AAK1: variants seen among roughly 807,000 people sequenced by gnomAD.
AAK1 encodes AP2-associated protein kinase 1.
Under a neutral mutation model 116.0 loss-of-function variants are expected in AAK1, and 37 were observed. The ratio of observed to expected loss-of-function variants is 0.32; its 90% CI spans 0.25 to 0.42. AAK1 has a LOEUF of 0.42. AAK1 is among the 10% of genes least tolerant of loss of function. AAK1 has a pLI of 1.00. For missense variants in AAK1, 919 were observed against 1,170.6 expected, an observed-to-expected ratio of 0.79 and a Z score of 3.14; for synonymous variants, 458 against 439.9, an observed-to-expected ratio of 1.04 and a Z score of -0.51.
At chr2:69,571,200 T>C (rs1472800260) in intron 2 of AAK1, among the ~76,000 whole-genome samples, 3 of 152,204 alleles carry the variant, frequency 2.0e-5, no homozygotes, top group Admixed American at 1.3e-4. Flanking sequence ...TTATGTCAAG[T>C]GATCCTCTTT....
chr2:69,517,756 C>T (rs1273808166), intron 12 of AAK1, among the ~76,000 whole-genome samples: 4 of 139,084 alleles, frequency 2.9e-5, no homozygotes, highest in South Asian at 2.3e-4. Flanking sequence ...CCAGTTTCTC[C>T]GAAAAATTAA....
At chr2:69,485,957 C>T (rs1478504275) in intron 17 of AAK1, among the ~76,000 whole-genome samples, 3 of 150,332 alleles carry the variant, frequency 2.0e-5, no homozygotes, top group African/African-American at 7.4e-5. Context: ...CTGAGCCTGG[C>T]CTTTTTTTTT....
At chr2:69,477,581 A>G (rs1314027986) in intron 20 of AAK1, among the ~76,000 whole-genome samples, 1 of 151,634 alleles carries the variant, frequency 6.6e-6, no homozygotes, top group Non-Finnish European at 1.5e-5. Flanking sequence ...TTGTTAGAAT[A>G]GTCTTCTCCA....
chr2:69,541,313 C>T (rs1029253192), intron 5 of AAK1, among the ~76,000 whole-genome samples: 4 of 151,142 alleles, frequency 2.6e-5, no homozygotes, highest in Non-Finnish European at 2.9e-5. Flanking sequence ...TCACTGCAAC[C>T]CCTGCCTCCC....
chr2:69,557,663 T>C (rs1230235699), intron 2 of AAK1, among the ~76,000 whole-genome samples: 1 of 152,152 alleles, frequency 6.6e-6, no homozygotes, highest in Non-Finnish European at 1.5e-5. Flanking sequence ...ATTTTCCCCT[T>C]TAAACAATTA....
At chr2:69,630,147 C>G (rs1675098681) in intron 2 of AAK1, among the ~76,000 whole-genome samples, 1 of 152,044 alleles carries the variant, frequency 6.6e-6, no homozygotes, top group African/African-American at 2.4e-5. Flanking sequence ...GCAGCAGGTG[C>G]CAGGCATTCC....
Position 69,467,848 on chromosome 2 carries a change from T to C in AAK1, c.*8021A>G. The stretch of plus-strand genomic sequence containing the variant: ...TAGAGACATTACATTGTAAAGAGAA[T>C]GTAGAGAGAGGTCTGAACATTTTAT... On this transcript the variant is annotated 3_prime_UTR_variant, in exon 22 of 22. Transcript: ENST00000409085. The C allele has an allele frequency of 2.0e-6, 2 of 985,440 alleles. No homozygotes were observed. Among genetic ancestry groups the C allele is most frequent in the Non-Finnish European group, 2.4e-6 (2 of 829,916 alleles). The allele number at this position is 985,440 out of a possible 1,614,324, so 61.0% of individuals were successfully genotyped here. A position where few individuals can be genotyped will look rare whatever the true frequency, so the allele number is the denominator to read the frequency against.
At chr2:69,570,622 A>G (rs1436259014) in intron 2 of AAK1, among the ~76,000 whole-genome samples, 1 of 152,160 alleles carries the variant, frequency 6.6e-6, no homozygotes, top group African/African-American at 2.4e-5. Flanking sequence ...GTCACCAAAG[A>G]AAATAAAACT....
chr2:69,562,795 C>A (rs1292662227), intron 2 of AAK1, among the ~76,000 whole-genome samples: 1 of 152,214 alleles, frequency 6.6e-6, no homozygotes, highest in Non-Finnish European at 1.5e-5. Flanking sequence ...AAGCCTGAGG[C>A]AGGAGAATTG....
chr2:69,463,283 C>G lies in AAK1; in HGVS notation c.*12586G>C. 1 of 152,198 alleles carries G rather than the reference C, an allele frequency of 6.6e-6. No individual in the cohort carries two copies. Among genetic ancestry groups the G allele is most frequent in the East Asian group, 1.9e-4 (1 of 5,202 alleles). The allele number at this position is 152,198 out of a possible 1,614,324, so 9.4% of individuals were successfully genotyped here. On this transcript the variant is annotated 3_prime_UTR_variant, in exon 22 of 22. Coordinates refer to ENST00000409085, the MANE Select transcript of AAK1 (RefSeq NM_014911.5). Reference sequence around the variant, plus strand: ...TAACAGAAAGCATTAAAGTTGAAACCTAATGCAGCAGTTCTTTCCAGTGAG... The same window carrying G: ...TAACAGAAAGCATTAAAGTTGAAACGTAATGCAGCAGTTCTTTCCAGTGAG...
chr2:69,486,752 C>A (rs1217313544), intron 17 of AAK1, among the ~76,000 whole-genome samples: 1 of 152,176 alleles, frequency 6.6e-6, no homozygotes, highest in African/African-American at 2.4e-5. Flanking sequence ...GAATGAAGAT[C>A]AGAGACTATG....
chr2:69,531,825 C>T, intron 6 of AAK1: 1 of 1,266,150 alleles, frequency 7.9e-7, no homozygotes, highest in South Asian at 1.6e-5. Flanking sequence ...ATAAAGTGCT[C>T]TAAGAGTCCT....
At chr2:69,523,951 G>A (rs946207473) in intron 10 of AAK1, among the ~76,000 whole-genome samples, 5 of 152,206 alleles carry the variant, frequency 3.3e-5, no homozygotes, top group African/African-American at 1.2e-4. Context: ...ATTGCCTTCC[G>A]ATGGCACTCC....
chr2:69,566,633 T>C (rs1671882488), intron 2 of AAK1, among the ~76,000 whole-genome samples: 2 of 152,168 alleles, frequency 1.3e-5, no homozygotes, highest in South Asian at 4.1e-4. Context: ...TCTCCAGGAC[T>C]GTTATGATTG....
At chr2:69,539,663 G>A (rs1670621546) in intron 5 of AAK1, among the ~76,000 whole-genome samples, 1 of 152,152 alleles carries the variant, frequency 6.6e-6, no homozygotes, top group South Asian at 2.1e-4. Context: ...CAATGCCTGT[G>A]GTCACTCTAG....
chr2:69,490,185 G>A (rs1037364301), intron 17 of AAK1, among the ~76,000 whole-genome samples: 30 of 152,164 alleles, frequency 2.0e-4, no homozygotes, highest in African/African-American at 7.2e-4. Flanking sequence ...TATAAAGATC[G>A]TTTCCTCAAA....
chr2:69,527,798 G>A (rs1034816692), intron 8 of AAK1, among the ~76,000 whole-genome samples: 2 of 152,126 alleles, frequency 1.3e-5, no homozygotes, highest in Non-Finnish European at 2.9e-5. Flanking sequence ...ACAAAGTAAC[G>A]TATGCATATC....
At chr2:69,545,752 A>G (rs1322306982) in intron 3 of AAK1, among the ~76,000 whole-genome samples, 1 of 152,196 alleles carries the variant, frequency 6.6e-6, no homozygotes, top group Admixed American at 6.5e-5. Flanking sequence ...ACAAAAGTAG[A>G]AAGGCTTTGG....
At chr2:69,511,892 T>C (rs1676408639) in intron 13 of AAK1, among the ~76,000 whole-genome samples, 1 of 152,226 alleles carries the variant, frequency 6.6e-6, no homozygotes, top group Non-Finnish European at 1.5e-5. Context: ...AGACACTAAG[T>C]GGTTTGTATC....
Sources: allele counts gnomAD v4.1 joint callset (sites outside exome capture counted in the v4.1 genomes callset), GRCh38; gene constraint gnomAD v4.1.1; transcripts MANE v1.5; gene names NCBI Gene and HGNC (gene_info 2026-07-23, HGNC 2026-07-21).